LHFPL6: variants seen among roughly 807,000 people sequenced by gnomAD.
LHFPL6 encodes the protein LHFPL tetraspan subfamily member 6.
LHFPL6 carries 9 observed loss-of-function variants against 20.6 expected under a neutral mutation model. That is an observed-to-expected ratio of 0.44 (90% confidence interval 0.26 to 0.76). The LOEUF (loss-of-function observed/expected upper bound fraction) is 0.76, where lower values mean the gene tolerates loss of function less well. Among genes scored for constraint, LHFPL6 ranks in the 30% least tolerant of loss-of-function variants. The pLI is 0.20. For missense variants in LHFPL6, 218 were observed against 253.5 expected (o/e 0.86, Z 0.95); for synonymous variants, 105 against 98.7 (o/e 1.06, Z -0.38).
chr13:39,473,070 T>A (rs1796580331), intron 2 of LHFPL6, among the ~76,000 whole-genome samples: 1 of 151,918 alleles, frequency 6.6e-6, no homozygotes, highest in Admixed American at 6.6e-5. Flanking sequence ...TGTCTCCGGA[T>A]AATGGAGCAC....
intron 2 of LHFPL6, among the ~76,000 whole-genome samples, chr13:39,582,284 T>C (rs925360078): frequency 2.0e-5 from 3 of 152,216 alleles, no homozygotes; most frequent in African/African-American, 7.2e-5. Flanking sequence ...TTCATCTCGC[T>C]CTCTTTCTGT....
chr13:39,489,237 A>C (rs1868831022), intron 2 of LHFPL6, among the ~76,000 whole-genome samples: 1 of 152,190 alleles, frequency 6.6e-6, no homozygotes, highest in Non-Finnish European at 1.5e-5. Context: ...TGGGAGGTCT[A>C]GGAACCTTGA....
chr13:39,389,352 A>G (rs1870648286), intron 2 of LHFPL6, among the ~76,000 whole-genome samples: 2 of 152,188 alleles, frequency 1.3e-5, no homozygotes, highest in Admixed American at 1.3e-4. Context: ...ACCTTCTCAT[A>G]TGGCTGTGAG....
intron 2 of LHFPL6, among the ~76,000 whole-genome samples, chr13:39,552,794 C>T (rs557291748): frequency 2.0e-5 from 3 of 152,314 alleles, no homozygotes; most frequent in African/African-American, 7.2e-5. Context: ...AATGAAGGCA[C>T]AGTTACATAT....
rs1325946013 is a variant in LHFPL6 at position 39,378,421 on chromosome 13, A to G, written c.484+7T>C. On this transcript the variant is annotated splice_region_variant and intron_variant, in intron 3 of 3. Transcript: ENST00000379589. ...TAAAAGGAGTGCCATCCATGAAGAA[A>G]GCTTACCCAGGTCAAACTGGCCAGA... is the stretch of plus-strand genomic sequence containing the variant. The G allele has an allele frequency of 1.2e-5, 19 of 1,611,930 alleles. No individual in the cohort carries two copies. Among genetic ancestry groups the G allele is most frequent in the Non-Finnish European group, 1.6e-5 (19 of 1,178,134 alleles).
intron 2 of LHFPL6, among the ~76,000 whole-genome samples, chr13:39,432,538 A>G (rs1055823103): frequency 6.6e-6 from 1 of 151,932 alleles, no homozygotes; most frequent in South Asian, 2.1e-4. Flanking sequence ...CTCCTATGTC[A>G]TCTTTGTTCA....
At chr13:39,462,628 T>C (rs993235428) in intron 2 of LHFPL6, among the ~76,000 whole-genome samples, 2 of 152,272 alleles carry the variant, frequency 1.3e-5, no homozygotes, top group Middle Eastern at 3.4e-3. Flanking sequence ...TGCTATTCAT[T>C]ACCCTCTCAC....
chr13:39,351,889 A>C (rs1342183468), intron 3 of LHFPL6, among the ~76,000 whole-genome samples: 1 of 152,118 alleles, frequency 6.6e-6, no homozygotes, highest in Admixed American at 6.5e-5. Flanking sequence ...TTTGTCTATA[A>C]ATTTGTACTG....
At chr13:39,410,964 T>C (rs185161000) in intron 2 of LHFPL6, among the ~76,000 whole-genome samples, 243 of 152,370 alleles carry the variant, frequency 1.6e-3, no homozygotes, top group African/African-American at 5.5e-3. Context: ...TAAACCATTG[T>C]ATTATAAATA....
In LHFPL6 at chr13:39,530,945, G is replaced by A. The variant is rs1428853533; in HGVS notation, c.385+69887C>T. Among the ~76,000 whole-genome samples, 8 of 151,388 alleles carry A rather than the reference G, an allele frequency of 5.3e-5. No homozygotes were observed. In the East Asian group the frequency reaches 1.2e-3, roughly 22 times the overall value. On this transcript the variant is annotated intron_variant, in intron 2 of 3. Transcript: ENST00000379589. ...TACAGAATCAAGCAGAAACTCCACC[G>A]AGATCACTACCTCCAGCTTGCTACA...
intron 2 of LHFPL6, among the ~76,000 whole-genome samples, chr13:39,460,957 T>A (rs935403283): frequency 2.0e-5 from 3 of 152,288 alleles, no homozygotes; most frequent in Non-Finnish European, 4.4e-5. Flanking sequence ...TAATACCTGA[T>A]AGGTAGTTTT....
intron 2 of LHFPL6, among the ~76,000 whole-genome samples, chr13:39,487,145 C>A (rs9576818): frequency 0.22 from 33,271 of 152,118 alleles, 5,622 homozygotes; most frequent in East Asian, 0.72. Flanking sequence ...CAGACAAAAT[C>A]AGCTACTCTA....
chr13:39,360,756 C>CA (rs60151758), intron 3 of LHFPL6, among the ~76,000 whole-genome samples: 6,380 of 48,126 alleles, frequency 0.13, 2,036 homozygotes, highest in East Asian at 0.39. Flanking sequence ...TGTAAGGGGA[C>CA]AAAAAAAAAA....
intron 2 of LHFPL6, among the ~76,000 whole-genome samples, chr13:39,560,744 T>G (rs1349705227): frequency 6.6e-6 from 1 of 152,144 alleles, no homozygotes; most frequent in Non-Finnish European, 1.5e-5. Context: ...CTCTATCTCC[T>G]GACCTCATGA....
chr13:39,410,331 C>G (rs1287260249), intron 2 of LHFPL6, among the ~76,000 whole-genome samples: 1 of 152,222 alleles, frequency 6.6e-6, no homozygotes, highest in Non-Finnish European at 1.5e-5. Flanking sequence ...CAGAAGAGCT[C>G]AGAGAGCTGA....
intron 2 of LHFPL6, among the ~76,000 whole-genome samples, chr13:39,562,627 CACAT>C (rs1297782873): frequency 1.5e-4 from 14 of 94,280 alleles, no homozygotes; most frequent in South Asian, 7.0e-4. Flanking sequence ...CATATATACA[CACAT>C]ATATATACAC....
intron 3 of LHFPL6, among the ~76,000 whole-genome samples, chr13:39,363,195 G>C (rs1593285852): frequency 6.6e-6 from 1 of 152,306 alleles, no homozygotes; most frequent in East Asian, 1.9e-4. Context: ...AGACAGGAAG[G>C]CAGAAGGGAT....
At chr13:39,402,321 C>A (rs911618882) in intron 2 of LHFPL6, among the ~76,000 whole-genome samples, 6 of 152,112 alleles carry the variant, frequency 3.9e-5, no homozygotes, top group Non-Finnish European at 8.8e-5. Flanking sequence ...AACTCCTGGG[C>A]CCAAGCAATC....
intron 2 of LHFPL6, among the ~76,000 whole-genome samples, chr13:39,463,859 G>T (rs1334247323): frequency 6.6e-6 from 1 of 152,202 alleles, no homozygotes; most frequent in East Asian, 1.9e-4. Flanking sequence ...ATGACACACT[G>T]CAGACAGTCT....
Sources: allele counts gnomAD v4.1 joint callset (sites outside exome capture counted in the v4.1 genomes callset), GRCh38; gene constraint gnomAD v4.1.1; transcripts MANE v1.5; gene names NCBI Gene and HGNC (gene_info 2026-07-23, HGNC 2026-07-21).